The following TMEM91 variants were observed in gnomAD, a reference collection of about 807,000 sequenced individuals.
TMEM91 encodes the protein dispanin subfamily C member 3.
In TMEM91, 6 loss-of-function variants were observed where a neutral mutation model predicts 13.3. The observed-to-expected ratio is 0.45, with a 90% CI of 0.25 to 0.89. The LOEUF is 0.89. Among genes scored for constraint, TMEM91 ranks in the 40% least tolerant of loss-of-function variants. TMEM91 has a pLI of 0.19. For missense variants in TMEM91, 193 were observed against 228.7 expected (o/e 0.84, Z 1.01); for synonymous variants, 87 against 101.7 (o/e 0.86, Z 0.87).
intron 2 of TMEM91, among the ~76,000 whole-genome samples, chr19:41,379,813 A>G (rs1350977660): frequency 6.6e-6 from 1 of 150,798 alleles, no homozygotes; most frequent in African/African-American, 2.4e-5. Flanking sequence ...GGTTGCATTC[A>G]GCTGGTGGGT....
intron 2 of TMEM91, 127 bp from the exon 3 acceptor site, chr19:41,382,645 T>C: frequency 1.5e-6 from 2 of 1,348,856 alleles, no homozygotes; most frequent in Non-Finnish European, 2.0e-6. Flanking sequence ...CTCTGAACAC[T>C]TTTTTCTCTT....
intron 2 of TMEM91, among the ~76,000 whole-genome samples, chr19:41,380,426 G>A (rs1472396762): frequency 1.3e-5 from 2 of 152,188 alleles, no homozygotes; most frequent in Non-Finnish European, 2.9e-5. Context: ...AATTCAAGGG[G>A]AGGGGACACA....
intron 2 of TMEM91, among the ~76,000 whole-genome samples, chr19:41,378,823 TGAGAGAGAGAGA>T (rs1160229560): frequency 2.2e-5 from 1 of 44,566 alleles, no homozygotes; most frequent in African/African-American, 6.3e-5. Context: ...TGTGTGTGTG[TGAGAGAGAGAGA>T]GAGAGAGAGA....
chr19:41,369,886 C>G (rs988594972), intron 1 of TMEM91, among the ~76,000 whole-genome samples: 3 of 152,074 alleles, frequency 2.0e-5, no homozygotes, highest in African/African-American at 7.2e-5. Flanking sequence ...CTGTTTAAAA[C>G]TGTATTGTTC....
intron 1 of TMEM91, chr19:41,364,217 C>T (rs1162772293): frequency 6.5e-6 from 1 of 153,842 alleles, no homozygotes; most frequent in South Asian, 1.8e-4. Context: ...TGCTAGCCGT[C>T]TGCGGGGGGC....
chr19:41,370,473 G>C lies in TMEM91; in HGVS notation c.-30+6378G>C, dbSNP rs922536360. On this transcript the variant is annotated intron_variant, in intron 1 of 3. Coordinates refer to the TMEM91 transcript ENST00000413014. Reference sequence around the variant, plus strand: ...CCAGGCTGGAGTGCAGTGGCACCGTGTCAGCTCACTGCAACCTCCGCCTTC... The same window carrying C: ...CCAGGCTGGAGTGCAGTGGCACCGTCTCAGCTCACTGCAACCTCCGCCTTC... 2.6e-5 allele frequency among the ~76,000 whole-genome samples: 4 copies of C among 151,584 alleles called. No individual in the cohort carries two copies. In the East Asian group the frequency reaches 7.7e-4, roughly 29 times the overall value.
chr19:41,370,701 G>A (rs1483394131), intron 1 of TMEM91, among the ~76,000 whole-genome samples: 1 of 151,544 alleles, frequency 6.6e-6, no homozygotes, highest in Non-Finnish European at 1.5e-5. Context: ...CACCGTGCCT[G>A]GCCACCTATT....
chr19:41,378,821 TGTGAGA>T lies in TMEM91; in HGVS notation c.210+304_210+309del, dbSNP rs1351978436. ...TGCTGTCTCCCTCTTTGTGTGTGTGTGTGAGAGAGAGAGAGAGAGAGAGAGAGAGAG... is the reference window on the plus strand; with the variant it reads ...TGCTGTCTCCCTCTTTGTGTGTGTGTGAGAGAGAGAGAGAGAGAGAGAGAG... On this transcript the variant is annotated intron_variant, in intron 2 of 3. Coordinates refer to ENST00000392002, the MANE Select transcript of TMEM91 (RefSeq NM_001098821.2). 3.4e-3 allele frequency among the ~76,000 whole-genome samples: 487 copies of T among 143,762 alleles called. 3 individuals are homozygous for T. The highest frequency in any genetic ancestry group is 0.014 in the Middle Eastern group (4 of 284). 94.3% of individuals were successfully genotyped at this position (143,762 alleles called of 152,430 possible). A position where few individuals can be genotyped will look rare whatever the true frequency, so the allele number is the denominator to read the frequency against.
intron 1 of TMEM91, among the ~76,000 whole-genome samples, chr19:41,377,542 G>A (rs2038750707): frequency 6.6e-6 from 1 of 151,626 alleles, no homozygotes. Context: ...GTAGGGGATG[G>A]GTGTGTGTGT....
At position 41,370,538 on chromosome 19, in the gene TMEM91, C is replaced by G. The variant is rs1261726930; in HGVS notation, c.-30+6443C>G. 2.0e-5 allele frequency among the ~76,000 whole-genome samples: 3 copies of G among 151,946 alleles called. No homozygotes were observed. The East Asian group carries it at 5.8e-4, about 29-fold the overall frequency. On this transcript the variant is annotated intron_variant, in intron 1 of 3. Transcript: ENST00000413014. ...TCTCCTGCTTCAGCCTCCTGAGCAG[C>G]TGGGACTACAGGCGTGTGCCACCTT...
At chr19:41,375,273 C>CTTTTTTTTTT (rs906641411), upstream of TMEM91, among the ~76,000 whole-genome samples, 34 of 58,646 alleles carry the variant, frequency 5.8e-4, 3 homozygotes, top group African/African-American at 1.2e-3. Context: ...ATTTTCTTTT[C>CTTTTTTTTTT]TTTTTTTTTT....
At chr19:41,381,429 C>T (rs1018839637) in intron 2 of TMEM91, among the ~76,000 whole-genome samples, 3 of 148,408 alleles carry the variant, frequency 2.0e-5, no homozygotes, top group South Asian at 2.1e-4. Flanking sequence ...AGCGCAATCT[C>T]GGCTCACTGC....
chr19:41,383,319 G>A (rs2038936525), intron 3 of TMEM91: 2 of 416,786 alleles, frequency 4.8e-6, no homozygotes, highest in Admixed American at 4.2e-5. Flanking sequence ...CTCCCAAAGT[G>A]CTGGGATTAC....
intron 2 of TMEM91, among the ~76,000 whole-genome samples, chr19:41,380,661 A>G (rs543767274): frequency 1.3e-5 from 2 of 152,166 alleles, no homozygotes; most frequent in South Asian, 4.1e-4. Flanking sequence ...CTGTAATCCC[A>G]GCACTTTGGG....
intron 1 of TMEM91, among the ~76,000 whole-genome samples, chr19:41,365,619 G>A (rs965108220): frequency 5.3e-5 from 8 of 151,498 alleles, no homozygotes; most frequent in East Asian, 3.9e-4. Context: ...TGGCCAGACC[G>A]GTCTCAAACT....
upstream of TMEM91, among the ~76,000 whole-genome samples, chr19:41,371,964 TCCTC>T (rs1158226611): frequency 3.3e-5 from 5 of 151,942 alleles, no homozygotes; most frequent in Non-Finnish European, 5.9e-5. Flanking sequence ...ACTCAAGTGA[TCCTC>T]CCACCTCAGC....
upstream of TMEM91, chr19:41,374,235 G>A (rs1045933661): frequency 5.3e-5 from 8 of 152,266 alleles, no homozygotes; most frequent in East Asian, 1.4e-3. Context: ...GCCCTGGAGC[G>A]AGGGAACTCC....
chr19:41,381,672 G>A (rs1179378847), intron 2 of TMEM91, among the ~76,000 whole-genome samples: 1 of 152,036 alleles, frequency 6.6e-6, no homozygotes, highest in Non-Finnish European at 1.5e-5. Context: ...CCCATGCCTA[G>A]CTAATTTTAA....
chr19:41,381,984 A>G (rs139814736), intron 2 of TMEM91, among the ~76,000 whole-genome samples: 3,425 of 149,910 alleles, frequency 0.023, 122 homozygotes, highest in African/African-American at 0.079. Context: ...TCCTGCCTCA[A>G]CCTCCTAAGT....
Sources: gnomAD v4.1 joint callset for allele counts (sites outside exome capture counted in the v4.1 genomes callset) on GRCh38, gnomAD v4.1.1 for gene constraint, MANE v1.5 for transcripts, NCBI Gene and HGNC (gene_info 2026-07-23, HGNC 2026-07-21) for gene names.